The following PIK3R4 variants were observed in gnomAD, a reference collection of about 807,000 sequenced individuals.
PIK3R4 encodes phosphoinositide 3-kinase regulatory subunit 4.
A neutral mutation model predicts 136.5 loss-of-function variants in PIK3R4; 46 were observed. The ratio of observed to expected loss-of-function variants is 0.34; its 90% confidence interval spans 0.27 to 0.43. The LOEUF (loss-of-function observed/expected upper bound fraction) is 0.43, where lower values mean the gene tolerates loss of function less well. Among genes scored for constraint, PIK3R4 ranks in the 20% least tolerant of loss-of-function variants. PIK3R4 has a pLI of 1.00. For synonymous variants in PIK3R4, 557 were observed against 566.7 expected (o/e 0.98, Z 0.24); for missense variants, 1,331 against 1,649.5 (o/e 0.81, Z 3.35).
At chr3:130,685,303 T>C (rs2066483167) in intron 15 of PIK3R4, among the ~76,000 whole-genome samples, 1 of 152,144 alleles carries the variant, frequency 6.6e-6, no homozygotes, top group East Asian at 1.9e-4. Flanking sequence ...GTAGGTAAGG[T>C]GATAGATTTG....
chr3:130,714,360 C>G (rs1275719568), intron 9 of PIK3R4, among the ~76,000 whole-genome samples: 6 of 152,078 alleles, frequency 3.9e-5, no homozygotes. Flanking sequence ...GTTCCACATA[C>G]CCCTCATAAA....
At chr3:130,713,649 GAAAAGA>G (rs1213412486) in intron 9 of PIK3R4, among the ~76,000 whole-genome samples, 1 of 152,114 alleles carries the variant, frequency 6.6e-6, no homozygotes, top group Non-Finnish European at 1.5e-5. Context: ...GACTGATAAG[GAAAAGA>G]AAATGTCAAG....
At position 130,716,538 on chromosome 3, in the gene PIK3R4, T is replaced by C; in HGVS notation, c.2189A>G (p.Asp730Gly). 6.2e-7 allele frequency: 1 copy of C among 1,613,972 alleles called. No homozygotes were observed. Among genetic ancestry groups the C allele is most frequent in the Non-Finnish European group, 8.5e-7 (1 of 1,179,858 alleles). Residue 730 changes from aspartate to glycine, a missense_variant, in exon 9 of 20, where the codon GAT (aspartate) becomes GGT (glycine). Asp to Gly is a moderately conservative substitution (Grantham distance 94, BLOSUM62 -1). Transcript: ENST00000356763. ...AATATCTTTAGACCTCAAAGCATAA[T>C]CAAATATAGAACGACTTACTGGTTC... ...LKEPVSRSIFDYALRSKDITS... is the reference protein window; with the variant it reads ...LKEPVSRSIFGYALRSKDITS...
At chr3:130,710,713 A>G (rs74503916) in intron 9 of PIK3R4, among the ~76,000 whole-genome samples, 31,250 of 152,060 alleles carry the variant, frequency 0.21, 3,471 homozygotes, top group South Asian at 0.36. Flanking sequence ...AAATTTTATG[A>G]GGTTGCCAGA....
Position 130,733,661 on chromosome 3 carries a change from G to A in PIK3R4, c.1337C>T (p.Ala446Val), listed in dbSNP as rs780041308. The change falls in exon 4 of 20, where the codon GCT (alanine) becomes GTT (valine). Residue 446 changes from alanine to valine, a missense_variant. Ala to Val is a moderately conservative substitution (Grantham distance 64). This residue lies in a region of PIK3R4 where 1,180 missense variants were observed against 1,407.0 expected (regional missense o/e 0.84). Coordinates refer to ENST00000356763, the MANE Select transcript of PIK3R4 (RefSeq NM_014602.3). Reference sequence around the variant, plus strand: ...ATTACGAGGAACCTCTTTGACGAGAGCAAGAACTTTGGTCAACGTCCTCAA... The same window carrying A: ...ATTACGAGGAACCTCTTTGACGAGAACAAGAACTTTGGTCAACGTCCTCAA... The part of the protein sequence containing the change: ...EALRTLTKVL[A>V]LVKEVPRNDI... The A allele has an allele frequency of 1.9e-6, 3 of 1,613,912 alleles. No homozygotes were observed. The highest frequency in any genetic ancestry group is 2.5e-6 in the Non-Finnish European group (3 of 1,179,876).
chr3:130,723,205 G>A (rs1318360079), intron 7 of PIK3R4, among the ~76,000 whole-genome samples: 1 of 151,558 alleles, frequency 6.6e-6, no homozygotes, highest in Non-Finnish European at 1.5e-5. Flanking sequence ...TCCCAACCAG[G>A]CTGGAGGACC....
At chr3:130,736,623 T>C (rs1362301274) in intron 2 of PIK3R4, among the ~76,000 whole-genome samples, 5 of 152,162 alleles carry the variant, frequency 3.3e-5, no homozygotes, top group South Asian at 2.1e-4. Context: ...AATGTATATA[T>C]GTAATATATA....
At position 130,746,753 on chromosome 3, in the gene PIK3R4, C is replaced by T. The variant is rs2066857287; in HGVS notation, c.-482G>A. Reference sequence around the variant, plus strand: ...CGGGAGAGAAGTGCAGACCGCCAGTCCCAAGAAAACACTACACTTCAGCTG... The same window carrying T: ...CGGGAGAGAAGTGCAGACCGCCAGTTCCAAGAAAACACTACACTTCAGCTG... On this transcript the variant is annotated 5_prime_UTR_variant, in exon 1 of 20. Coordinates refer to ENST00000356763, the MANE Select transcript of PIK3R4 (RefSeq NM_014602.3). The T allele has an allele frequency of 6.6e-6, 1 of 152,298 alleles. No individual in the cohort carries two copies. Among genetic ancestry groups the T allele is most frequent in the Non-Finnish European group, 1.5e-5 (1 of 68,166 alleles). 9.4% of individuals were successfully genotyped at this position (152,298 alleles called of 1,614,324 possible). A position where few individuals can be genotyped will look rare whatever the true frequency, so the allele number is the denominator to read the frequency against.
intron 13 of PIK3R4, among the ~76,000 whole-genome samples, chr3:130,703,509 T>A (rs1288538043): frequency 6.6e-6 from 1 of 152,104 alleles, no homozygotes; most frequent in East Asian, 1.9e-4. Context: ...TTTACCACAA[T>A]TTTTTTTAAC....
rs139668328 is a variant in PIK3R4, at chr3:130,702,537, G to A, written c.3098+1186C>T. Among the ~76,000 whole-genome samples, 718 of 152,164 alleles carry A rather than the reference G, an allele frequency of 4.7e-3. 1 individual carries two copies. Among genetic ancestry groups the A allele is most frequent in the Non-Finnish European group, 6.1e-3 (413 of 68,002 alleles). Reference sequence around the variant, plus strand: ...TTTGATGATTTTGTGGCTAATTATGGTCAATGAACTTATAACAAGAAAAGC... The same window carrying A: ...TTTGATGATTTTGTGGCTAATTATGATCAATGAACTTATAACAAGAAAAGC... On this transcript the variant is annotated intron_variant, in intron 13 of 19. Transcript: ENST00000356763.
rs1430123527 is a variant in PIK3R4, at chr3:130,732,610, A to T, written c.1450+938T>A. On this transcript the variant is annotated intron_variant, in intron 4 of 19. Coordinates refer to ENST00000356763, the MANE Select transcript of PIK3R4 (RefSeq NM_014602.3). ...CTGTATGGTTATAGAAACCATAAAT[A>T]AATAAATAGGCAGAGATAAACATAA... Among the ~76,000 whole-genome samples the T allele has an allele frequency of 2.0e-5, 3 of 152,322 alleles. No homozygotes were observed. In the East Asian group the frequency reaches 5.8e-4, roughly 29 times the overall value.
At chr3:130,743,168 T>C (rs1169469324) in intron 2 of PIK3R4, among the ~76,000 whole-genome samples, 1 of 152,026 alleles carries the variant, frequency 6.6e-6, no homozygotes, top group Non-Finnish European at 1.5e-5. Context: ...CCCAATACTT[T>C]GGAAACTTGA....
chr3:130,743,609 C>T (rs919910331), intron 2 of PIK3R4, among the ~76,000 whole-genome samples: 1 of 152,086 alleles, frequency 6.6e-6, no homozygotes, highest in African/African-American at 2.4e-5. Flanking sequence ...GTTTGGTGGG[C>T]GAGAGAAGTT....
At position 130,718,446 on chromosome 3, in the gene PIK3R4, A is replaced by T. The variant is rs762075378; in HGVS notation, c.2070T>A (p.Asp690Glu). 1.2e-6 allele frequency: 2 copies of T among 1,611,948 alleles called. No individual in the cohort carries two copies. The highest frequency in any genetic ancestry group is 1.7e-6 in the Non-Finnish European group (2 of 1,177,988). The change falls in exon 8 of 20, where the codon GAT (aspartate) becomes GAA (glutamate). Residue 690 changes from aspartate to glutamate, a missense_variant. Coordinates refer to ENST00000356763, the MANE Select transcript of PIK3R4 (RefSeq NM_014602.3). Reference protein sequence around the residue: ...TVVARQISTADVYCKLMPYLD... With the variant: ...TVVARQISTAEVYCKLMPYLD... ...GATAAGGCATCAGTTTACAGTAGAC[A>T]TCAGCTGTACTTATTTGACGAGCTA...
At chr3:130,686,163 G>C (rs2066488675) in intron 15 of PIK3R4, 48 bp downstream of exon 15, 1 of 1,087,648 alleles carries the variant, frequency 9.2e-7, no homozygotes, top group African/African-American at 1.5e-5. Context: ...GCAATTGCAG[G>C]CATTAGTGGC....
chr3:130,706,377 A>G (rs1559823961), intron 11 of PIK3R4, among the ~76,000 whole-genome samples: 4 of 152,252 alleles, frequency 2.6e-5, no homozygotes, highest in African/African-American at 9.6e-5. Context: ...AGTGTTGAAT[A>G]TCTCATGTAA....
chr3:130,744,608 T>G lies in PIK3R4; in HGVS notation c.611A>C (p.Asp204Ala). ...TCYIAPERFV[D>A]GGMFATELEY... ...TAACTCAGTGGCAAACATCCCACCA[T>G]CAACAAAACGTTCAGGAGCAATATA... is the stretch of plus-strand genomic sequence containing the variant. Residue 204 changes from aspartate (D) to alanine (A), a missense_variant, in exon 2 of 20, where the codon GAT becomes GCT. Physicochemically the swap from Asp to Ala is moderately radical, Grantham distance 126 (BLOSUM62 -2). Around this residue, in one of 2 missense-constraint regions of PIK3R4, gnomAD observed 1,180 missense variants for 1,407.0 expected, o/e 0.84. Transcript: ENST00000356763. 6.2e-7 allele frequency: 1 copy of G among 1,614,214 alleles called. No individual in the cohort carries two copies. Among genetic ancestry groups the G allele is most frequent in the Non-Finnish European group, 8.5e-7 (1 of 1,180,042 alleles).
intron 13 of PIK3R4, among the ~76,000 whole-genome samples, chr3:130,697,214 C>T (rs768942936): frequency 6.6e-6 from 1 of 151,780 alleles, no homozygotes; most frequent in Non-Finnish European, 1.5e-5. Context: ...GGACTACAGG[C>T]GTGTGCCACC....
rs559911153 is a variant in PIK3R4, at chr3:130,740,064, C to A, written c.734-4062G>T. On this transcript the variant is annotated intron_variant, in intron 2 of 19. Transcript: ENST00000356763. ...ATATGGTACAACAGTCATAAAAGGT[C>A]ATCATTGGGGGAAGCTGGGTGAAGG... Among the ~76,000 whole-genome samples the A allele has an allele frequency of 1.6e-4, 24 of 152,276 alleles. 1 individual carries two copies. The South Asian group carries it at 5.0e-3, about 32-fold the overall frequency.
Sources: allele counts gnomAD v4.1 joint callset (sites outside exome capture counted in the v4.1 genomes callset), GRCh38; gene constraint gnomAD v4.1.1; regional missense constraint gnomAD v4.1.1; transcripts MANE v1.5; gene names NCBI Gene and HGNC (gene_info 2026-07-23, HGNC 2026-07-21).